The following TRIM39 variants were observed in gnomAD, a reference collection of about 807,000 sequenced individuals.
The protein encoded by TRIM39 is tripartite motif containing 39.
A neutral mutation model predicts 53.6 loss-of-function variants in TRIM39; 5 were observed. The observed-to-expected ratio is 0.09, with a 90% CI of 0.05 to 0.20. The LOEUF (loss-of-function observed/expected upper bound fraction) is 0.20. TRIM39 is among the 10% of genes least tolerant of loss of function. TRIM39 has a pLI of 1.00. For synonymous variants in TRIM39, 196 were observed against 237.6 expected, an observed-to-expected ratio of 0.82 and a Z score of 1.61; for missense variants, 310 against 621.0, an observed-to-expected ratio of 0.50 and a Z score of 5.32.
At chr6:30,334,571 C>T (rs1786627369) in intron 4 of TRIM39, among the ~76,000 whole-genome samples, 1 of 152,110 alleles carries the variant, frequency 6.6e-6, no homozygotes, top group Non-Finnish European at 1.5e-5. Flanking sequence ...CAAGTTCAGC[C>T]CTGAAATCTA....
At chr6:30,327,210 C>T (rs1785459263) in intron 1 of TRIM39, 1 of 152,694 alleles carries the variant, frequency 6.5e-6, no homozygotes, top group Non-Finnish European at 1.5e-5. Flanking sequence ...CCCCGTCCCG[C>T]TGCTGCTCAC....
intron 1 of TRIM39, among the ~76,000 whole-genome samples, chr6:30,328,562 C>T (rs963335568): frequency 2.0e-5 from 3 of 152,002 alleles, no homozygotes; most frequent in Non-Finnish European, 4.4e-5. Flanking sequence ...TGAGGACTCT[C>T]TTTGCTTATC....
At chr6:30,332,361 C>G (rs1255125279) in intron 4 of TRIM39, among the ~76,000 whole-genome samples, 1 of 152,156 alleles carries the variant, frequency 6.6e-6, no homozygotes, top group African/African-American at 2.4e-5. Context: ...AAGAAGACAA[C>G]ATAGAAATTT....
At chr6:30,328,946 T>C (rs1785770284) in exon 2 of TRIM39, 1 of 219,396 alleles carries the variant, frequency 4.6e-6, no homozygotes, top group African/African-American at 2.3e-5. Context: ...TCTGGAACTA[T>C]TGGTTCTAAG....
chr6:30,340,714 C>G, intron 7 of TRIM39, 94 bp downstream of exon 7: 1 of 1,326,178 alleles, frequency 7.5e-7, no homozygotes, highest in Non-Finnish European at 1.0e-6. Flanking sequence ...TCCTATGTCT[C>G]ACTTTTCTTA....
At chr6:30,333,826 AGT>A (rs1786521911) in intron 4 of TRIM39, among the ~76,000 whole-genome samples, 1 of 152,158 alleles carries the variant, frequency 6.6e-6, no homozygotes, top group South Asian at 2.1e-4. Context: ...ATATCCTCAG[AGT>A]GTGTTAACAG....
rs1219290754 is a variant in TRIM39, at chr6:30,335,510, T to C, written c.550-235T>C. Among the ~76,000 whole-genome samples, 1 of 151,752 alleles carries C rather than the reference T, an allele frequency of 6.6e-6. No homozygotes were observed. The highest frequency in any genetic ancestry group is 1.5e-5 in the Non-Finnish European group (1 of 67,916). ...CTAATTTTTTGTATTTTTTGTAGAG[T>C]TGGGGTTTCACCATGTTACCTAGGC... On this transcript the variant is annotated intron_variant, in intron 4 of 7. Coordinates refer to ENST00000396551, the Ensembl canonical transcript of TRIM39. This position sits in a 1 kb window ranked among gnomAD's most constrained non-coding sequence, Gnocchi z 4.7.
chr6:30,332,237 G>A (rs187061439), intron 4 of TRIM39, among the ~76,000 whole-genome samples: 2 of 152,160 alleles, frequency 1.3e-5, no homozygotes, highest in Non-Finnish European at 2.9e-5. Flanking sequence ...GGCCAAACCC[G>A]GTATTTGACA....
At chr6:30,336,864 C>A (rs974771903) in intron 5 of TRIM39, among the ~76,000 whole-genome samples, 35 of 152,266 alleles carry the variant, frequency 2.3e-4, no homozygotes, top group African/African-American at 7.5e-4. Context: ...ATTTACTTTG[C>A]CTAGATCTAT....
intron 7 of TRIM39, chr6:30,341,242 T>C (rs1787500927): frequency 4.1e-5 from 12 of 290,316 alleles, no homozygotes; most frequent in South Asian, 3.5e-4. Context: ...TGAAAGGGAG[T>C]GTCATTATAT....
At chr6:30,329,723 C>T (rs1305427635) in exon 3 of TRIM39, 4 of 1,613,020 alleles carry the variant, frequency 2.5e-6, no homozygotes, top group Admixed American at 1.7e-5. Flanking sequence ...CCACACCCAC[C>T]GGGCCCACAC....
chr6:30,332,974 AAATAT>A (rs1209336434), intron 4 of TRIM39, among the ~76,000 whole-genome samples: 6 of 152,232 alleles, frequency 3.9e-5, no homozygotes, highest in African/African-American at 9.7e-5. Flanking sequence ...TATCATGTCC[AAATAT>A]AATATAATGA....
exon 3 of TRIM39, chr6:30,329,478 C>G: frequency 2.5e-6 from 4 of 1,613,062 alleles, no homozygotes; most frequent in Non-Finnish European, 3.4e-6. Context: ...GCTTGCATCA[C>G]CCGCTGGTGG....
Position 30,340,495 on chromosome 6 carries a change from T to C in TRIM39, c.804-10T>C. ...TGCCCTTTCTTCCCCTATCTCCCTA[T>C]CCCTCCTAGATGTGAAAAGGTGAAG... is the stretch of plus-strand genomic sequence containing the variant. On this transcript the variant is annotated splice_polypyrimidine_tract_variant and intron_variant, in intron 6 of 7. Transcript: ENST00000396551. 6.2e-7 allele frequency: 1 copy of C among 1,613,010 alleles called. No individual in the cohort carries two copies. Among genetic ancestry groups the C allele is most frequent in the Non-Finnish European group, 8.5e-7 (1 of 1,179,998 alleles).
At chr6:30,336,063 C>A (rs1786819014) in intron 5 of TRIM39, 88 bp downstream of exon 5, 1 of 1,540,126 alleles carries the variant, frequency 6.5e-7, no homozygotes, top group Non-Finnish European at 8.8e-7. Context: ...GATACTCATT[C>A]TTCTGCTCTC....
chr6:30,341,964 C>T, exon 8 of TRIM39: 1 of 1,613,086 alleles, frequency 6.2e-7, no homozygotes, highest in Non-Finnish European at 8.5e-7. Context: ...GGCGAGTTGA[C>T]TCCACTCCCT....
intron 7 of TRIM39, 193 bp from the exon 8 acceptor site, chr6:30,341,519 T>G (rs1249603619): frequency 1.6e-5 from 14 of 860,092 alleles, no homozygotes; most frequent in Non-Finnish European, 2.5e-5. Flanking sequence ...TACTTTAGGG[T>G]CAGGGTGAGA....
At chr6:30,327,973 G>A (rs1299682919) in intron 1 of TRIM39, among the ~76,000 whole-genome samples, 1 of 152,190 alleles carries the variant, frequency 6.6e-6, no homozygotes, top group Non-Finnish European at 1.5e-5. Context: ...CTTCCAGTAG[G>A]TCCCTGGAGA....
At chr6:30,333,353 G>GTTTT (rs9278647) in intron 4 of TRIM39, among the ~76,000 whole-genome samples, 15 of 106,084 alleles carry the variant, frequency 1.4e-4, no homozygotes, top group East Asian at 2.4e-4. Context: ...TGTTTTTGTG[G>GTTTT]TTTTTTTTTT....
Sources: allele counts gnomAD v4.1 joint callset (sites outside exome capture counted in the v4.1 genomes callset), GRCh38; gene constraint gnomAD v4.1.1; non-coding constraint Gnocchi (gnomAD v3.1); transcripts MANE v1.5; gene names NCBI Gene and HGNC (gene_info 2026-07-23, HGNC 2026-07-21).